The following ERI1 variants were observed in gnomAD, a reference collection of about 807,000 sequenced individuals.
ERI1 encodes the protein 3'-5' exoribonuclease 1.
ERI1 carries 39 observed loss-of-function variants against 39.7 expected under a neutral mutation model. That is an observed-to-expected ratio of 0.98 (90% CI 0.76 to 1.28). The LOEUF (loss-of-function observed/expected upper bound fraction) is 1.28, where lower values mean the gene tolerates loss of function less well. Among genes scored for constraint, ERI1 ranks in the 50% most tolerant of loss-of-function variants. ERI1 has a pLI of 0.00. For synonymous variants in ERI1, 204 were observed against 149.6 expected (o/e 1.36, Z -2.65); for missense variants, 581 against 416.9 (o/e 1.39, Z -3.43).
In ERI1 at chr8:9,075,821, T is replaced by C. The variant is rs564841641; in HGVS notation, n.300-40527T>C. On this transcript the variant is annotated intron_variant and non_coding_transcript_variant, in intron 3 of 3. Transcript: ENST00000518663. ...AAAATTTTTTATTTATTATTTTTTA[T>C]AGAGACAAGGTCTTGCCATATGCCC... 5.3e-5 allele frequency among the ~76,000 whole-genome samples: 8 copies of C among 152,362 alleles called. No individual in the cohort carries two copies. The South Asian group carries it at 1.2e-3, about 24-fold the overall frequency.
chr8:9,054,599 T>C (rs894134768), intron 3 of ERI1, among the ~76,000 whole-genome samples: 1 of 152,216 alleles, frequency 6.6e-6, no homozygotes, highest in Non-Finnish European at 1.5e-5. Flanking sequence ...CGTGTTTACA[T>C]TTAGGTTCAA....
At chr8:9,023,096 T>C (rs1343366030) in intron 6 of ERI1, among the ~76,000 whole-genome samples, 1 of 152,228 alleles carries the variant, frequency 6.6e-6, no homozygotes, top group East Asian at 1.9e-4. Flanking sequence ...AGATTTGTAG[T>C]TGGTTAATAT....
intron 6 of ERI1, among the ~76,000 whole-genome samples, chr8:9,023,034 A>C (rs1245370585): frequency 2.6e-5 from 4 of 152,200 alleles, no homozygotes; most frequent in African/African-American, 9.7e-5. Context: ...AAATAGTCAT[A>C]AATATTTTCT....
At chr8:9,035,884 G>C (rs1797828294), downstream of ERI1, among the ~76,000 whole-genome samples, 1 of 152,192 alleles carries the variant, frequency 6.6e-6, no homozygotes, top group Non-Finnish European at 1.5e-5. Context: ...AGGAGGTAAA[G>C]ATATCAACCT....
intron 6 of ERI1, among the ~76,000 whole-genome samples, chr8:9,026,849 G>A (rs1462774593): frequency 7.0e-6 from 1 of 142,130 alleles, no homozygotes. Flanking sequence ...TATTTAACCT[G>A]TACCACGTTA....
intron 3 of ERI1, among the ~76,000 whole-genome samples, chr8:9,015,085 C>G (rs558410021): frequency 8.5e-5 from 13 of 152,146 alleles, no homozygotes; most frequent in Non-Finnish European, 1.8e-4. Flanking sequence ...AATCCACCCC[C>G]CTTGGCCTCC....
At chr8:9,017,607 G>C (rs1460390410) in intron 4 of ERI1, among the ~76,000 whole-genome samples, 2 of 152,166 alleles carry the variant, frequency 1.3e-5, no homozygotes, top group African/African-American at 2.4e-5. Context: ...GACTGTCCTG[G>C]GGAAAAACAT....
downstream of ERI1, chr8:9,033,414 G>A (rs1797724530): frequency 1.5e-5 from 2 of 135,846 alleles, no homozygotes; most frequent in African/African-American, 5.7e-5. Context: ...AGCTGCATCA[G>A]TGGCACCATC....
Position 9,011,614 on chromosome 8 carries a change from C to T in ERI1, c.360C>T (p.Ser120=), listed in dbSNP as rs755605434. Residue 120 remains serine, a synonymous_variant, in exon 3 of 7, where the codon AGC becomes AGT. Coordinates refer to ENST00000250263, the MANE Select transcript of ERI1 (RefSeq NM_153332.4). ...YKKQKLMLKE[S]NFADSYYDYI... is the part of the protein sequence containing the mutation. ...AGCAGAAGCTGATGCTGAAAGAGAG[C>T]AATTTTGCTGACAGTTATTATGACT... 9 of 1,613,246 alleles carry T rather than the reference C, an allele frequency of 5.6e-6. No homozygotes were observed. The East Asian group carries it at 1.1e-4, about 20-fold the overall frequency.
chr8:9,054,037 G>T (rs1008725411), intron 3 of ERI1, among the ~76,000 whole-genome samples: 2 of 105,682 alleles, frequency 1.9e-5, no homozygotes, highest in African/African-American at 8.8e-5. Context: ...TGATAGGCTA[G>T]AACTCCCATT....
intron 3 of ERI1, among the ~76,000 whole-genome samples, chr8:9,051,780 A>C (rs1401121564): frequency 6.6e-6 from 1 of 152,128 alleles, no homozygotes; most frequent in Non-Finnish European, 1.5e-5. Flanking sequence ...GTAGTTATAC[A>C]TTTTCCTTGA....
At chr8:9,028,569 C>G (rs899366059) in intron 6 of ERI1, among the ~76,000 whole-genome samples, 1 of 152,102 alleles carries the variant, frequency 6.6e-6, no homozygotes, top group African/African-American at 2.4e-5. Flanking sequence ...GTTGTACAAA[C>G]TACAGAATGT....
chr8:9,061,160 G>C, intron 3 of ERI1, among the ~76,000 whole-genome samples: 1 of 152,324 alleles, frequency 6.6e-6, no homozygotes. Context: ...TTGCTGATGA[G>C]TGGCGATTAG....
intron 3 of ERI1, among the ~76,000 whole-genome samples, chr8:9,092,724 T>G (rs73520791): frequency 0.036 from 5,471 of 152,290 alleles, 296 homozygotes; most frequent in African/African-American, 0.12. Flanking sequence ...CCTGAGTTCT[T>G]GAGACCAGGG....
At chr8:9,010,987 T>A (rs1176408136) in intron 2 of ERI1, among the ~76,000 whole-genome samples, 1 of 152,190 alleles carries the variant, frequency 6.6e-6, no homozygotes, top group Non-Finnish European at 1.5e-5. Context: ...TGAGTTTTCC[T>A]TGTTAAGTAG....
Position 9,016,419 on chromosome 8 carries a change from GTTC to G in ERI1, c.582+20_582+22del, listed in dbSNP as rs764795012. On this transcript the variant is annotated intron_variant, in intron 4 of 6. Coordinates refer to ENST00000250263, the MANE Select transcript of ERI1 (RefSeq NM_153332.4). ...GGAATTACTCAGGTTATAATTCTAA[GTTC>G]TTCTTTCTAGAGTTTGAAAGAGTTC... 8 of 1,531,836 alleles carry G rather than the reference GTTC, an allele frequency of 5.2e-6. No individual in the cohort carries two copies. In the African/African-American group the frequency reaches 9.7e-5, roughly 19 times the overall value. The allele number at this position is 1,531,836 out of a possible 1,614,324, so 94.9% of individuals were successfully genotyped here.
At chr8:9,061,886 G>C (rs1003513526) in intron 3 of ERI1, among the ~76,000 whole-genome samples, 3 of 151,694 alleles carry the variant, frequency 2.0e-5, no homozygotes, top group African/African-American at 4.9e-5. Flanking sequence ...AGAGAGGCTG[G>C]GATGAAGGGT....
intron 3 of ERI1, among the ~76,000 whole-genome samples, chr8:9,074,560 G>C (rs1799149429): frequency 1.3e-5 from 2 of 152,150 alleles, no homozygotes. Context: ...TCTGGCCTCA[G>C]TCTCCTGAGT....
chr8:9,068,625 C>G (rs1370489381), intron 3 of ERI1, among the ~76,000 whole-genome samples: 1 of 152,066 alleles, frequency 6.6e-6, no homozygotes. Context: ...GTCCTCATAT[C>G]CATGCTTGCT....
Sources: gnomAD v4.1 joint callset for allele counts (sites outside exome capture counted in the v4.1 genomes callset) on GRCh38, gnomAD v4.1.1 for gene constraint, MANE v1.5 for transcripts, NCBI Gene and HGNC (gene_info 2026-07-23, HGNC 2026-07-21) for gene names.